SLC2A7: variants seen among roughly 807,000 people sequenced by gnomAD.
SLC2A7 encodes solute carrier family 2 member 7.
A neutral mutation model predicts 50.5 loss-of-function variants in SLC2A7; 50 were observed. The ratio of observed to expected loss-of-function variants is 0.99; its 90% confidence interval spans 0.79 to 1.25. SLC2A7 has a LOEUF of 1.25. SLC2A7 is among the 50% of genes most tolerant of loss of function. The pLI, the probability that SLC2A7 is intolerant of heterozygous loss-of-function variation, is 0.00. For synonymous variants in SLC2A7, 308 were observed against 300.4 expected (o/e 1.03, Z -0.26); for missense variants, 683 against 679.1 (o/e 1.01, Z -0.06).
intron 6 of SLC2A7, 121 bp from the exon 7 acceptor site, chr1:9,014,989 C>G: frequency 6.7e-7 from 1 of 1,497,016 alleles, no homozygotes; most frequent in Non-Finnish European, 8.9e-7. Flanking sequence ...CCAGTTGCCA[C>G]CCCCCCACCC....
chr1:9,021,683 T>A (rs1048439454), intron 3 of SLC2A7, among the ~76,000 whole-genome samples: 4 of 152,090 alleles, frequency 2.6e-5, no homozygotes, highest in African/African-American at 9.7e-5. Context: ...ACATCCCCCA[T>A]CACGGGGAGG....
chr1:8,994,113 C>G, the SLC2A7 span, among the ~76,000 whole-genome samples: 1 of 152,188 alleles, frequency 6.6e-6, no homozygotes, highest in Non-Finnish European at 1.5e-5. Flanking sequence ...CACTAGAGGG[C>G]CTTCCAGTTA....
chr1:9,014,924 A>C, intron 6 of SLC2A7, 56 bp from the exon 7 acceptor site: 3 of 1,524,132 alleles, frequency 2.0e-6, no homozygotes, highest in South Asian at 1.2e-5. Flanking sequence ...GCTGGGCCCC[A>C]AGCCCCCATG....
chr1:9,006,952 A>G (rs1640661212), intron 10 of SLC2A7, among the ~76,000 whole-genome samples: 1 of 152,140 alleles, frequency 6.6e-6, no homozygotes, highest in Non-Finnish European at 1.5e-5. Context: ...GTGGGCTTGG[A>G]GGCTCAAGTG....
the SLC2A7 span, among the ~76,000 whole-genome samples, chr1:8,995,742 T>C: frequency 6.6e-6 from 1 of 152,224 alleles, no homozygotes; most frequent in East Asian, 1.9e-4. Flanking sequence ...TGAAAGTCTG[T>C]CTCAAAAAAA....
intron 10 of SLC2A7, 60 bp from the exon 11 acceptor site, chr1:9,004,939 C>A (rs573196908): frequency 6.4e-7 from 1 of 1,553,708 alleles, no homozygotes. Flanking sequence ...CCAGGGCTGG[C>A]GGGACGCGGC....
In SLC2A7 at chr1:9,014,664, G is replaced by A. The variant is rs776109119; in HGVS notation, c.903+17C>T. ...TCTGCTTCATCTGTCTCCCTGCCTGGCCACCGTCCCACATACCGCATTGAT... is the reference window on the plus strand; with the variant it reads ...TCTGCTTCATCTGTCTCCCTGCCTGACCACCGTCCCACATACCGCATTGAT... On this transcript the variant is annotated intron_variant, in intron 7 of 11. Transcript: ENST00000400906. 14 of 1,551,042 alleles carry A rather than the reference G, an allele frequency of 9.0e-6. 1 individual carries two copies. The South Asian group carries it at 1.7e-4, about 18-fold the overall frequency.
chr1:8,996,913 T>A, the SLC2A7 span, among the ~76,000 whole-genome samples: 1 of 152,022 alleles, frequency 6.6e-6, no homozygotes, highest in African/African-American at 2.4e-5. Context: ...GTAGCTGGGA[T>A]TACAGGTGTG....
rs865953319 is a variant in SLC2A7 at position 9,026,402 on chromosome 1, G to A, written c.-57C>T. 3.4e-5 allele frequency: 52 copies of A among 1,511,718 alleles called. No individual in the cohort carries two copies. In the Middle Eastern group the frequency reaches 5.0e-3, roughly 146 times the overall value. 93.6% of individuals were successfully genotyped at this position (1,511,718 alleles called of 1,614,324 possible). ...ACCTCCCAAGTGACACCTGCTCTGC[G>A]CCAGCCACCTAAAGACCGGCTGTTT... On this transcript the variant is annotated 5_prime_UTR_variant, in exon 1 of 12. Coordinates refer to ENST00000400906, the MANE Select transcript of SLC2A7 (RefSeq NM_207420.3).
intron 10 of SLC2A7, among the ~76,000 whole-genome samples, chr1:9,005,120 T>C (rs1640635940): frequency 6.6e-6 from 1 of 152,228 alleles, no homozygotes. Context: ...TTGCTGCTTC[T>C]TCAAGGCCAA....
At chr1:8,996,709 G>A in the SLC2A7 span, among the ~76,000 whole-genome samples, 1 of 151,966 alleles carries the variant, frequency 6.6e-6, no homozygotes, top group Non-Finnish European at 1.5e-5. Flanking sequence ...TAAATTTTAG[G>A]CATCCTAACA....
chr1:9,020,853 G>T (rs554092591), intron 3 of SLC2A7, among the ~76,000 whole-genome samples: 1 of 151,964 alleles, frequency 6.6e-6, no homozygotes, highest in Non-Finnish European at 1.5e-5. Context: ...TGCTGTTCTC[G>T]TGATAGTGAA....
At chr1:9,025,480 G>A (rs966356409) in intron 1 of SLC2A7, among the ~76,000 whole-genome samples, 9 of 152,204 alleles carry the variant, frequency 5.9e-5, no homozygotes, top group African/African-American at 2.2e-4. Flanking sequence ...CAATAAAATA[G>A]GGTGATGGGT....
rs1569789333 is a variant in SLC2A7, at chr1:9,010,231, T to C, written c.1028A>G (p.Glu343Gly). ...CAGGAGGTGCCGCCGTCCCAGCCGC[T>C]CCACAAGGACAGCCTGGAGGGGAAG... is the stretch of plus-strand genomic sequence containing the variant. ...VMTITSAVLV[E>G]RLGRRHLLLA... Residue 343 changes from glutamate to glycine, a missense_variant, in exon 9 of 12, where the codon GAG becomes GGG. Coordinates refer to ENST00000400906, the MANE Select transcript of SLC2A7 (RefSeq NM_207420.3). 6.4e-7 allele frequency: 1 copy of C among 1,551,060 alleles called. No individual in the cohort carries two copies. Among genetic ancestry groups the C allele is most frequent in the Non-Finnish European group, 8.7e-7 (1 of 1,146,924 alleles).
intron 3 of SLC2A7, among the ~76,000 whole-genome samples, chr1:9,021,686 C>T (rs908063133): frequency 1.3e-4 from 20 of 152,190 alleles, no homozygotes; most frequent in African/African-American, 4.1e-4. Context: ...TCCCCCATCA[C>T]GGGGAGGGTC....
At chr1:8,994,910 A>G in the SLC2A7 span, among the ~76,000 whole-genome samples, 1 of 151,696 alleles carries the variant, frequency 6.6e-6, no homozygotes, top group Admixed American at 6.6e-5. Flanking sequence ...AGCTGGGATT[A>G]CAGGGGCTCA....
chr1:9,023,334 G>A (rs772055267), intron 2 of SLC2A7, among the ~76,000 whole-genome samples: 4 of 152,184 alleles, frequency 2.6e-5, no homozygotes, highest in African/African-American at 4.8e-5. Context: ...TTGGCCGGAC[G>A]CAGTGGCTCA....
rs1640878170 is a variant in SLC2A7 at position 9,019,322 on chromosome 1, A to G, written c.323T>C (p.Leu108Pro). The G allele has an allele frequency of 1.9e-6, 3 of 1,613,950 alleles. No individual in the cohort carries two copies. The highest frequency in any genetic ancestry group is 2.5e-6 in the Non-Finnish European group (3 of 1,179,950). The change falls in exon 4 of 12, where the codon CTG becomes CCG. Residue 108 changes from leucine to proline, a missense_variant. Leu to Pro is a moderately conservative substitution (Grantham distance 98). Coordinates refer to ENST00000400906, the MANE Select transcript of SLC2A7 (RefSeq NM_207420.3). ...GATGGCAAAGATGTTGTTGATCAGC[A>G]GGGTCCCCTTTCTGCAAAGACAGTG... is the stretch of plus-strand genomic sequence containing the variant. ...LVDSCGRKGT[L>P]LINNIFAIIP...
intron 10 of SLC2A7, among the ~76,000 whole-genome samples, chr1:9,006,359 T>C (rs1640653203): frequency 1.3e-5 from 2 of 152,326 alleles, no homozygotes; most frequent in Admixed American, 1.3e-4. Context: ...GTGATTATCC[T>C]GCCTCAGCCT....
Sources: allele counts gnomAD v4.1 joint callset (sites outside exome capture counted in the v4.1 genomes callset), GRCh38; gene constraint gnomAD v4.1.1; transcripts MANE v1.5; gene names NCBI Gene and HGNC (gene_info 2026-07-23, HGNC 2026-07-21).